The following COPS5 variants were observed in gnomAD, a reference collection of about 807,000 sequenced individuals.
The protein encoded by COPS5 is COP9 signalosome subunit 5.
Under a neutral mutation model 44.4 loss-of-function variants are expected in COPS5, and 8 were observed. That is an observed-to-expected ratio of 0.18 (90% CI 0.11 to 0.32). The LOEUF (loss-of-function observed/expected upper bound fraction) is 0.32. Among genes scored for constraint, COPS5 ranks in the 10% least tolerant of loss-of-function variants. The probability of loss-of-function intolerance (pLI) is 1.00; values close to 1 mark genes in which losing one functional copy is unlikely to be tolerated. For synonymous variants in COPS5, 122 were observed against 142.8 expected (o/e 0.85, Z 1.04); for missense variants, 159 against 406.4 (o/e 0.39, Z 5.23).
In COPS5 at chr8:67,047,980, G is replaced by A. The variant is rs1816720427; in HGVS notation, c.772-2020C>T. On this transcript the variant is annotated intron_variant, in intron 6 of 7. Coordinates refer to ENST00000357849, the MANE Select transcript of COPS5 (RefSeq NM_006837.3). ...TGCTACTTCTGACTACTAAGGATAA[G>A]AAATAAGAACAGATACTGGGCGCCG... is the stretch of plus-strand genomic sequence containing the variant. 4 of 691,666 alleles carry A rather than the reference G, an allele frequency of 5.8e-6. No homozygotes were observed. In the Admixed American group the frequency reaches 8.1e-5, roughly 14 times the overall value. 42.8% of individuals were successfully genotyped at this position (691,666 alleles called of 1,614,324 possible).
At chr8:67,060,588 T>C (rs1430648351) in intron 1 of COPS5, 3 of 980,616 alleles carry the variant, frequency 3.1e-6, no homozygotes, top group South Asian at 2.7e-5. Context: ...TCCTATTACA[T>C]ACATTCTAGA....
chr8:67,046,289 T>C (rs1816698380), intron 6 of COPS5, among the ~76,000 whole-genome samples: 3 of 152,342 alleles, frequency 2.0e-5, no homozygotes, highest in Middle Eastern at 3.4e-3. Context: ...TCTGGAACTA[T>C]GGCATATTAG....
chr8:67,058,579 T>C (rs1013516762), intron 2 of COPS5, among the ~76,000 whole-genome samples: 1 of 152,162 alleles, frequency 6.6e-6, no homozygotes, highest in Non-Finnish European at 1.5e-5. Context: ...TGCCTGGCAG[T>C]CCACTGATGG....
intron 6 of COPS5, among the ~76,000 whole-genome samples, chr8:67,048,146 T>C (rs140152666): frequency 6.6e-6 from 1 of 151,980 alleles, no homozygotes; most frequent in Non-Finnish European, 1.5e-5. Context: ...GGCATGGTGG[T>C]GTACATCCTG....
intron 1 of COPS5, chr8:67,060,732 A>G (rs1008642702): frequency 3.2e-6 from 1 of 315,126 alleles, no homozygotes; most frequent in Non-Finnish European, 6.3e-6. Context: ...GACAGCTGTG[A>G]GATTTGATCT....
intron 1 of COPS5, chr8:67,060,370 A>G (rs1804566883): frequency 8.2e-7 from 1 of 1,219,002 alleles, no homozygotes. Context: ...AAGCAACTTA[A>G]GCAGCCTTAC....
At chr8:67,060,347 C>A (rs1804566561) in intron 1 of COPS5, 2 of 1,197,088 alleles carry the variant, frequency 1.7e-6, no homozygotes, top group African/African-American at 1.6e-5. Flanking sequence ...GTTACAGAAG[C>A]AAGCAGATAA....
At chr8:67,049,241 T>C (rs1339408064) in intron 6 of COPS5, among the ~76,000 whole-genome samples, 1 of 152,156 alleles carries the variant, frequency 6.6e-6, no homozygotes, top group Non-Finnish European at 1.5e-5. Flanking sequence ...GGCGGGCAGA[T>C]TGCTCAAACC....
chr8:67,046,977 G>A (rs986785755), intron 6 of COPS5, among the ~76,000 whole-genome samples: 3 of 151,812 alleles, frequency 2.0e-5, no homozygotes, highest in Admixed American at 6.6e-5. Context: ...AAAGAGCATT[G>A]CTATATGCTC....
At chr8:67,052,367 G>C (rs1173975115) in intron 5 of COPS5, among the ~76,000 whole-genome samples, 2 of 151,508 alleles carry the variant, frequency 1.3e-5, no homozygotes, top group Non-Finnish European at 2.9e-5. Context: ...GGGGAAGCTA[G>C]AAAGCTATGC....
chr8:67,053,022 GAA>G (rs889009907), intron 5 of COPS5, among the ~76,000 whole-genome samples: 2 of 152,010 alleles, frequency 1.3e-5, no homozygotes, highest in African/African-American at 4.8e-5. Context: ...GGGAAGATGA[GAA>G]GAGACAGAGG....
chr8:67,048,218 G>A (rs1305852254), intron 6 of COPS5, among the ~76,000 whole-genome samples: 1 of 151,872 alleles, frequency 6.6e-6, no homozygotes, highest in African/African-American at 2.4e-5. Flanking sequence ...ATAGTGAGAT[G>A]TGATTGCACC....
At chr8:67,056,833 C>A (rs1804521327) in intron 4 of COPS5, among the ~76,000 whole-genome samples, 1 of 150,940 alleles carries the variant, frequency 6.6e-6, no homozygotes, top group African/African-American at 2.4e-5. Flanking sequence ...TTCCCCCCAC[C>A]CAGTTTGGTG....
At chr8:67,052,512 G>T (rs1204272833) in intron 5 of COPS5, among the ~76,000 whole-genome samples, 2 of 150,822 alleles carry the variant, frequency 1.3e-5, no homozygotes, top group African/African-American at 4.9e-5. Context: ...CTGCTTCCCG[G>T]GTTCAAGCGA....
intron 5 of COPS5, among the ~76,000 whole-genome samples, chr8:67,054,357 A>C (rs879262338): frequency 6.6e-6 from 1 of 152,238 alleles, no homozygotes; most frequent in Non-Finnish European, 1.5e-5. Context: ...TCCTCTGAAG[A>C]TTAAAGTATC....
At chr8:67,043,874 T>G (rs1279015716) in intron 7 of COPS5, 3 of 152,190 alleles carry the variant, frequency 2.0e-5, no homozygotes, top group Admixed American at 2.0e-4. Context: ...AATTCTCTAC[T>G]TTTGATTACT....
intron 2 of COPS5, 84 bp downstream of exon 2, chr8:67,059,127 G>A: frequency 1.3e-6 from 1 of 794,838 alleles, no homozygotes; most frequent in Non-Finnish European, 2.0e-6. Flanking sequence ...TCATGTAAAG[G>A]GGATAATTTT....
At chr8:67,061,250 AG>A in intron 1 of COPS5, 1 of 310,478 alleles carries the variant, frequency 3.2e-6, no homozygotes, top group African/African-American at 2.2e-5. Context: ...AACATTTTAG[AG>A]ACCAGGTAGT....
chr8:67,053,809 A>C (rs532328043), intron 5 of COPS5, among the ~76,000 whole-genome samples: 1 of 152,026 alleles, frequency 6.6e-6, no homozygotes, highest in South Asian at 2.1e-4. Context: ...GATTGAGACC[A>C]TCCTGGCTAA....
Sources: allele counts gnomAD v4.1 joint callset (sites outside exome capture counted in the v4.1 genomes callset), GRCh38; gene constraint gnomAD v4.1.1; transcripts MANE v1.5; gene names NCBI Gene and HGNC (gene_info 2026-07-23, HGNC 2026-07-21).